Variants in AATK observed in about 807,000 individuals in gnomAD.
AATK encodes the protein serine/threonine-protein kinase LMTK1.
AATK carries 91 observed loss-of-function variants against 114.3 expected under a neutral mutation model. The ratio of observed to expected loss-of-function variants is 0.80; its 90% CI spans 0.67 to 0.95. The LOEUF is 0.95. AATK is among the 40% of genes least tolerant of loss of function. The pLI, the probability that AATK is intolerant of heterozygous loss-of-function variation, is 0.00. For missense variants in AATK, 2,176 were observed against 1,965.2 expected, an observed-to-expected ratio of 1.11 and a Z score of -2.03; for synonymous variants, 1,075 against 916.5, an observed-to-expected ratio of 1.17 and a Z score of -3.12.
Position 81,121,317 on chromosome 17 carries a change from G to C in AATK, c.2619C>G (p.Asp873Glu). The C allele has an allele frequency of 7.4e-6, 12 of 1,611,886 alleles. No homozygotes were observed. The highest frequency in any genetic ancestry group is 1.0e-5 in the Non-Finnish European group (12 of 1,179,690). Residue 873 changes from aspartate (D) to glutamate (E), a missense_variant, in exon 11 of 14, where the codon GAC (aspartate) becomes GAG (glutamate). By Grantham distance (45) the Asp-to-Glu change is conservative. Transcript: ENST00000326724. ...TAEATSGIFT[D>E]TSSDGLQARR... The stretch of plus-strand genomic sequence containing the variant: ...TGGCCTGCAGGCCGTCGCTGGACGT[G>C]TCGGTGAAGATGCCTGAGGTGGCCT...
intron 7 of AATK, 134 bp from the exon 8 acceptor site, chr17:81,125,148 G>T: frequency 1.2e-6 from 1 of 800,186 alleles, no homozygotes; most frequent in Middle Eastern, 3.7e-4. Context: ...CACTTGGATG[G>T]CTCACAGTCC....
At chr17:81,119,162 T>TCAGGTGAGGGCCAGGTGAGGGC (rs1263231926) in intron 13 of AATK, among the ~76,000 whole-genome samples, 3 of 42,642 alleles carry the variant, frequency 7.0e-5, no homozygotes, top group East Asian at 1.6e-3. Flanking sequence ...CAGGTGAGGG[T>TCAGGTGAGGGCCAGGTGAGGGC]CAGGTGAGGG....
chr17:81,159,334 G>A (rs973935331), intron 1 of AATK, among the ~76,000 whole-genome samples: 7 of 152,132 alleles, frequency 4.6e-5, no homozygotes, highest in African/African-American at 1.4e-4. Context: ...GGAGGGCGCC[G>A]GCGGCCTGCG....
chr17:81,160,560 C>T (rs913135359), intron 1 of AATK, among the ~76,000 whole-genome samples: 11 of 152,346 alleles, frequency 7.2e-5, no homozygotes, highest in African/African-American at 2.6e-4. Flanking sequence ...CCCAGGGGGG[C>T]CCAGACGCCA....
Position 81,128,557 on chromosome 17 carries a change from C to A in AATK, c.335-8G>T. The A allele has an allele frequency of 6.5e-7, 1 of 1,548,820 alleles. No homozygotes were observed. The highest frequency in any genetic ancestry group is 1.2e-5 in the South Asian group (1 of 83,954). Reference sequence around the variant, plus strand: ...TGGACTTGAGGAGCTGCACTGTAACCAAGCAGGGGGTTCAGGGACCCAGTG... The same window carrying A: ...TGGACTTGAGGAGCTGCACTGTAACAAAGCAGGGGGTTCAGGGACCCAGTG... On this transcript the variant is annotated splice_region_variant and splice_polypyrimidine_tract_variant and intron_variant, in intron 3 of 13. Coordinates refer to ENST00000326724, the MANE Select transcript of AATK (RefSeq NM_001080395.3).
rs888188283 is a variant in AATK at position 81,119,494 on chromosome 17, G to A, written c.3970C>T (p.Pro1324Ser). The change falls in exon 13 of 14, where the codon CCG (proline) becomes TCG (serine). Residue 1324 changes from proline to serine, a missense_variant. Coordinates refer to ENST00000326724, the MANE Select transcript of AATK (RefSeq NM_001080395.3). ...AMALDPAAPA[P>S]AAPTPTPAPF... is the part of the protein sequence containing the mutation. ...GCGGGCGTGGGCGTGGGCGCAGCCGGGGCGGGTGCGGCCGGGTCTAGGGCC... is the reference window on the plus strand; with the variant it reads ...GCGGGCGTGGGCGTGGGCGCAGCCGAGGCGGGTGCGGCCGGGTCTAGGGCC... 2 of 1,514,702 alleles carry A rather than the reference G, an allele frequency of 1.3e-6. No homozygotes were observed. Among genetic ancestry groups the A allele is most frequent in the African/African-American group, 1.5e-5 (1 of 67,806 alleles). The allele number at this position is 1,514,702 out of a possible 1,614,324, so 93.8% of individuals were successfully genotyped here.
intron 2 of AATK, among the ~76,000 whole-genome samples, chr17:81,134,063 G>A (rs1307735581): frequency 6.6e-6 from 1 of 152,136 alleles, no homozygotes; most frequent in East Asian, 1.9e-4. Context: ...AGCCCCCGAC[G>A]CCCCCTGCAA....
chr17:81,135,357 C>T (rs568050579), intron 1 of AATK, among the ~76,000 whole-genome samples: 44 of 152,134 alleles, frequency 2.9e-4, no homozygotes, highest in Non-Finnish European at 5.1e-4. Context: ...GGCACACTGA[C>T]CCGCTGGCTC....
chr17:81,160,884 G>A (rs1039280051), intron 1 of AATK, among the ~76,000 whole-genome samples: 7 of 152,224 alleles, frequency 4.6e-5, no homozygotes, highest in African/African-American at 1.7e-4. Flanking sequence ...CATCCGAGGA[G>A]ACACCGAGGT....
chr17:81,154,785 A>AC (rs1351105664), intron 1 of AATK, among the ~76,000 whole-genome samples: 25 of 125,168 alleles, frequency 2.0e-4, no homozygotes, highest in African/African-American at 6.5e-4. Flanking sequence ...TTGCGCCATC[A>AC]CACCCGGCTA....
intron 1 of AATK, among the ~76,000 whole-genome samples, chr17:81,158,432 G>A (rs1015840909): frequency 6.6e-6 from 1 of 152,244 alleles, no homozygotes; most frequent in Non-Finnish European, 1.5e-5. Flanking sequence ...AAGGAAAGCG[G>A]GGCGTGTGCC....
chr17:81,153,425 C>T (rs909582898), intron 1 of AATK, among the ~76,000 whole-genome samples: 8 of 152,134 alleles, frequency 5.3e-5, no homozygotes, highest in Non-Finnish European at 1.0e-4. Context: ...ACACACTGGG[C>T]GGAAAATTCA....
rs1393330746 is a variant in AATK at position 81,125,054 on chromosome 17, TGAGCAGG to T, written c.756-47_756-41del. The T allele has an allele frequency of 1.2e-5, 17 of 1,365,174 alleles. No homozygotes were observed. In the East Asian group the frequency reaches 3.1e-4, roughly 25 times the overall value. The allele number at this position is 1,365,174 out of a possible 1,614,324, so 84.6% of individuals were successfully genotyped here. ...AGGGGCAGGGGCAGGGTGAGCAGGG[TGAGCAGG>T]GTGTGCCGGGTGGGGGCAGGGGGAG... is the stretch of plus-strand genomic sequence containing the variant. On this transcript the variant is annotated intron_variant, in intron 7 of 13. Transcript: ENST00000326724.
intron 13 of AATK, 124 bp downstream of exon 13, chr17:81,119,256 A>AGGAGC (rs10655340): frequency 0.035 from 33,184 of 947,004 alleles, 914 homozygotes; most frequent in African/African-American, 0.069. Flanking sequence ...GGGGCCGGGA[A>AGGAGC]GGAGCGGAGC....
chr17:81,121,254 C>T lies in AATK; in HGVS notation c.2682G>A (p.Gln894=), dbSNP rs1181355303. The part of the protein sequence containing the change: ...PDVVPAFRSL[Q]KQVGTPDSLD... ...GGGAGTCGGGGGTCCCCACCTGCTT[C>T]TGCAGAGAGCGGAAGGCTGGCACCA... Residue 894 remains glutamine (Q), a synonymous_variant, in exon 11 of 14, where the codon CAG becomes CAA. Coordinates refer to ENST00000326724, the MANE Select transcript of AATK (RefSeq NM_001080395.3). 1.2e-6 allele frequency: 2 copies of T among 1,609,780 alleles called. No homozygotes were observed. Among genetic ancestry groups the T allele is most frequent in the Non-Finnish European group, 1.7e-6 (2 of 1,178,676 alleles).
chr17:81,126,868 C>T lies in AATK; in HGVS notation c.622-308G>A, dbSNP rs1033340963. 1 of 1,189,516 alleles carries T rather than the reference C, an allele frequency of 8.4e-7. No homozygotes were observed. Among genetic ancestry groups the T allele is most frequent in the African/African-American group, 1.6e-5 (1 of 64,430 alleles). The allele number at this position is 1,189,516 out of a possible 1,614,324, so 73.7% of individuals were successfully genotyped here. A position where few individuals can be genotyped will look rare whatever the true frequency, so the allele number is the denominator to read the frequency against. On this transcript the variant is annotated intron_variant, in intron 6 of 13. Coordinates refer to ENST00000326724, the MANE Select transcript of AATK (RefSeq NM_001080395.3). The surrounding 1 kb of genome is among the most constrained non-coding windows in gnomAD (Gnocchi z 5.1). ...CCCAAGTGGATCTGCTTGATGGAGT[C>T]TGGGGCTGGTGGTCGAGGGTTGGCC... is the stretch of plus-strand genomic sequence containing the variant.
chr17:81,147,360 CAAAA>C (rs59460030), intron 1 of AATK, among the ~76,000 whole-genome samples: 2 of 54,922 alleles, frequency 3.6e-5, no homozygotes, highest in Non-Finnish European at 7.9e-5. Context: ...GACTCCATCT[CAAAA>C]AAAAAAAAAA....
intron 12 of AATK, 54 bp downstream of exon 12, chr17:81,119,882 C>T (rs560905178): frequency 1.8e-5 from 25 of 1,398,294 alleles, no homozygotes; most frequent in Non-Finnish European, 1.9e-5. Flanking sequence ...CCACACAGCA[C>T]GGACCAGGCC....
At chr17:81,140,618 G>A (rs924798650) in intron 1 of AATK, among the ~76,000 whole-genome samples, 2 of 132,756 alleles carry the variant, frequency 1.5e-5, no homozygotes, top group Non-Finnish European at 3.5e-5. Context: ...CTGGAGATGA[G>A]AGAAGTGACT....
Sources: allele counts gnomAD v4.1 joint callset (sites outside exome capture counted in the v4.1 genomes callset), GRCh38; gene constraint gnomAD v4.1.1; non-coding constraint Gnocchi (gnomAD v3.1); transcripts MANE v1.5; gene names NCBI Gene and HGNC (gene_info 2026-07-23, HGNC 2026-07-21).